SLC38A11: variants seen among roughly 807,000 people sequenced by gnomAD.
SLC38A11 encodes the protein putative sodium-coupled neutral amino acid transporter 11.
In SLC38A11, 51 loss-of-function variants were observed where a neutral mutation model predicts 49.4. The ratio of observed to expected loss-of-function variants is 1.03; its 90% CI spans 0.83 to 1.30. SLC38A11 has a LOEUF of 1.30. Among genes scored for constraint, SLC38A11 ranks in the 50% most tolerant of loss-of-function variants. The probability of loss-of-function intolerance (pLI) is 0.00; values close to 1 mark genes in which losing one functional copy is unlikely to be tolerated. For missense variants in SLC38A11, 574 were observed against 556.2 expected, an observed-to-expected ratio of 1.03 and a Z score of -0.32; for synonymous variants, 203 against 192.9, an observed-to-expected ratio of 1.05 and a Z score of -0.43.
At chr2:164,944,124 G>A (rs566721446) in intron 5 of SLC38A11, among the ~76,000 whole-genome samples, 1 of 152,118 alleles carries the variant, frequency 6.6e-6, no homozygotes, top group East Asian at 1.9e-4. Flanking sequence ...CCAAAGTGCT[G>A]GGATTATAGG....
chr2:164,918,908 A>T (rs572897923), intron 7 of SLC38A11, among the ~76,000 whole-genome samples: 93 of 152,190 alleles, frequency 6.1e-4, no homozygotes, highest in Non-Finnish European at 1.2e-3. Flanking sequence ...ATTGAAAGAC[A>T]CAAATAAATG....
chr2:164,922,237 T>C (rs1028810357), intron 7 of SLC38A11: 1 of 152,200 alleles, frequency 6.6e-6, no homozygotes, highest in Non-Finnish European at 1.5e-5. Flanking sequence ...CTCTTTCAGC[T>C]AAACAGAAGC....
At chr2:164,943,920 G>C (rs1394258533) in intron 5 of SLC38A11, among the ~76,000 whole-genome samples, 8 of 152,094 alleles carry the variant, frequency 5.3e-5, no homozygotes, top group Non-Finnish European at 4.4e-5. Context: ...GCAGTGGCAC[G>C]ATCACAGCTC....
intron 10 of SLC38A11, 59 bp from the exon 11 acceptor site, chr2:164,908,830 G>A: frequency 1.3e-6 from 2 of 1,529,350 alleles, no homozygotes; most frequent in South Asian, 1.3e-5. Flanking sequence ...GATTTATTGA[G>A]GGAGTATTTT....
chr2:164,949,643 A>G (rs1688384484), intron 3 of SLC38A11, among the ~76,000 whole-genome samples: 1 of 152,240 alleles, frequency 6.6e-6, no homozygotes, highest in East Asian at 1.9e-4. Context: ...AAAATTAGGA[A>G]CTGCTTCACA....
chr2:164,917,603 A>G (rs1404450107), intron 7 of SLC38A11, among the ~76,000 whole-genome samples: 1 of 152,142 alleles, frequency 6.6e-6, no homozygotes, highest in East Asian at 1.9e-4. Flanking sequence ...TTAGAAAATG[A>G]TTTCAGTCAG....
chr2:164,901,820 T>C (rs1684669454), intron 11 of SLC38A11, among the ~76,000 whole-genome samples: 1 of 152,084 alleles, frequency 6.6e-6, no homozygotes, highest in Non-Finnish European at 1.5e-5. Context: ...GTGGGTATCC[T>C]TACCTTTTAT....
chr2:164,908,750 C>G lies in SLC38A11; in HGVS notation c.985G>C (p.Gly329Arg). 1 of 1,608,920 alleles carries G rather than the reference C, an allele frequency of 6.2e-7. No homozygotes were observed. The highest frequency in any genetic ancestry group is 1.1e-5 in the South Asian group (1 of 90,194). ...TREVIANVFF[G>R]GNLSSVFHIV... ...TGGAAAACCGATGAAAGATTCCCAC[C>G]AAAAAACACATTGGCAATTACCTGC... Residue 329 changes from glycine to arginine, a missense_variant, in exon 11 of 12, where the codon GGT becomes CGT. Transcript: ENST00000685975.
At chr2:164,932,671 G>A (rs1281313359) in intron 7 of SLC38A11, among the ~76,000 whole-genome samples, 3 of 152,050 alleles carry the variant, frequency 2.0e-5, no homozygotes, top group Non-Finnish European at 2.9e-5. Flanking sequence ...ATTTATAAGC[G>A]GGAGCTAAAA....
At chr2:164,903,873 G>A (rs1030734710) in intron 11 of SLC38A11, among the ~76,000 whole-genome samples, 3 of 152,118 alleles carry the variant, frequency 2.0e-5, no homozygotes, top group East Asian at 3.9e-4. Flanking sequence ...GATTGAAAAA[G>A]TGCCTGAATT....
intron 11 of SLC38A11, among the ~76,000 whole-genome samples, chr2:164,905,704 A>G (rs948574440): frequency 3.9e-5 from 6 of 152,202 alleles, no homozygotes; most frequent in Non-Finnish European, 8.8e-5. Flanking sequence ...TAAAACTAGC[A>G]TAATTGTCTT....
Position 164,941,813 on chromosome 2 carries a change from T to C in SLC38A11, c.431-2257A>G, listed in dbSNP as rs536979807. Among the ~76,000 whole-genome samples, 152 of 152,206 alleles carry C rather than the reference T, an allele frequency of 1.0e-3. 1 individual carries two copies. The highest frequency in any genetic ancestry group is 3.5e-3 in the African/African-American group (147 of 41,546). ...ATTAAAGCATATATATATATTTACG[T>C]TTTGATATGAGAATATGTTCTTAAA... On this transcript the variant is annotated intron_variant, in intron 5 of 11. Coordinates refer to ENST00000685975, the MANE Select transcript of SLC38A11 (RefSeq NM_001351537.2).
At chr2:164,929,140 A>G (rs1026794129) in intron 7 of SLC38A11, among the ~76,000 whole-genome samples, 1 of 152,112 alleles carries the variant, frequency 6.6e-6, no homozygotes, top group African/African-American at 2.4e-5. Flanking sequence ...GATATTCCAA[A>G]TTCACTTTCC....
chr2:164,927,671 C>T (rs528283569), intron 7 of SLC38A11, among the ~76,000 whole-genome samples: 19 of 152,200 alleles, frequency 1.2e-4, no homozygotes, highest in African/African-American at 4.3e-4. Context: ...TTCCCGTCCC[C>T]CATGTCCCTT....
chr2:164,910,884 T>C lies in SLC38A11; in HGVS notation c.963+752A>G, dbSNP rs554434852. Among the ~76,000 whole-genome samples, 11 of 152,234 alleles carry C rather than the reference T, an allele frequency of 7.2e-5. No homozygotes were observed. The East Asian group carries it at 2.1e-3, about 29-fold the overall frequency. On this transcript the variant is annotated intron_variant, in intron 10 of 11. Coordinates refer to ENST00000685975, the MANE Select transcript of SLC38A11 (RefSeq NM_001351537.2). ...ATAAGGGATTCCTGACAGGCCATGTTATCCAATTTTACACCAAAAGAATGA... is the reference window on the plus strand; with the variant it reads ...ATAAGGGATTCCTGACAGGCCATGTCATCCAATTTTACACCAAAAGAATGA...
At position 164,898,554 on chromosome 2, in the gene SLC38A11, G is replaced by A. The variant is rs776975049; in HGVS notation, c.1272C>T (p.Thr424=). 1 of 1,613,558 alleles carries A rather than the reference G, an allele frequency of 6.2e-7. No homozygotes were observed. The highest frequency in any genetic ancestry group is 1.1e-5 in the South Asian group (1 of 91,062). ...AGCAGTAGAACATTTCCTGCCCATG[G>A]GTGCAGTCTTGAGTATTTGTAATAG... The part of the protein sequence containing the change: ...VMAITNTQDC[T]HGQEMFYCFP... Residue 424 remains threonine (T), a synonymous_variant, in exon 12 of 12, where the codon ACC becomes ACT. Coordinates refer to ENST00000685975, the MANE Select transcript of SLC38A11 (RefSeq NM_001351537.2).
chr2:164,898,260 G>A lies in SLC38A11; in HGVS notation c.*177C>T, dbSNP rs1684431684. ...AAACCCTTATTTTGTTCCAGTTAAAGGTGAAATACATTCAATTTTTCTTTT... is the reference window on the plus strand; with the variant it reads ...AAACCCTTATTTTGTTCCAGTTAAAAGTGAAATACATTCAATTTTTCTTTT... On this transcript the variant is annotated 3_prime_UTR_variant, in exon 12 of 12. Coordinates refer to ENST00000685975, the MANE Select transcript of SLC38A11 (RefSeq NM_001351537.2). The A allele has an allele frequency of 1.8e-6, 1 of 556,440 alleles. No homozygotes were observed. Among genetic ancestry groups the A allele is most frequent in the Non-Finnish European group, 3.2e-6 (1 of 316,112 alleles). 34.5% of individuals were successfully genotyped at this position (556,440 alleles called of 1,614,324 possible).
intron 10 of SLC38A11, among the ~76,000 whole-genome samples, chr2:164,910,702 T>G (rs570000000): frequency 5.5e-4 from 84 of 152,134 alleles, no homozygotes; most frequent in Non-Finnish European, 9.4e-4. Context: ...GATATTTCAC[T>G]TATCTCATTA....
chr2:164,944,079 C>G (rs1161823371), intron 5 of SLC38A11, among the ~76,000 whole-genome samples: 2 of 152,138 alleles, frequency 1.3e-5, no homozygotes, highest in African/African-American at 4.8e-5. Flanking sequence ...TAGTCTTGAA[C>G]TCCTGAGCTC....
Sources: gnomAD v4.1 joint callset for allele counts (sites outside exome capture counted in the v4.1 genomes callset) on GRCh38, gnomAD v4.1.1 for gene constraint, MANE v1.5 for transcripts, NCBI Gene and HGNC (gene_info 2026-07-23, HGNC 2026-07-21) for gene names.